Variants in HPCAL1 observed in about 807,000 individuals in gnomAD.
HPCAL1 encodes hippocalcin-like protein 1.
In HPCAL1, 8 loss-of-function variants were observed where a neutral mutation model predicts 17.1. The observed-to-expected ratio is 0.47, with a 90% CI of 0.27 to 0.84. The LOEUF (loss-of-function observed/expected upper bound fraction) is 0.84, where lower values mean the gene tolerates loss of function less well. HPCAL1 is among the 40% of genes least tolerant of loss of function. The pLI, the probability that HPCAL1 is intolerant of heterozygous loss-of-function variation, is 0.13. For missense variants in HPCAL1, 165 were observed against 271.1 expected (o/e 0.61, Z 2.75); for synonymous variants, 112 against 111.4 (o/e 1.01, Z -0.03).
At chr2:10,318,645 G>A (rs1416950321) in intron 1 of HPCAL1, among the ~76,000 whole-genome samples, 6 of 152,206 alleles carry the variant, frequency 3.9e-5, no homozygotes, top group Non-Finnish European at 8.8e-5. Flanking sequence ...AAAGGATGCT[G>A]TGATCTGAAT....
At chr2:10,306,461 T>C (rs1020699691) in intron 1 of HPCAL1, among the ~76,000 whole-genome samples, 7 of 152,196 alleles carry the variant, frequency 4.6e-5, no homozygotes, top group Non-Finnish European at 1.0e-4. Flanking sequence ...TATGTCCTCA[T>C]GTAAAGCTGC....
At chr2:10,410,165 T>C (rs369835859) in intron 2 of HPCAL1, among the ~76,000 whole-genome samples, 35 of 152,290 alleles carry the variant, frequency 2.3e-4, no homozygotes, top group African/African-American at 7.9e-4. Context: ...CAGAGTCTGG[T>C]TGGCCTGGCA....
chr2:10,427,043 C>T lies in HPCAL1; in HGVS notation c.*222C>T. The T allele has an allele frequency of 5.4e-6, 3 of 560,196 alleles. No individual in the cohort carries two copies. The highest frequency in any genetic ancestry group is 9.6e-6 in the Non-Finnish European group (3 of 310,926). The allele number at this position is 560,196 out of a possible 1,614,324, so 34.7% of individuals were successfully genotyped here. The stretch of plus-strand genomic sequence containing the variant: ...GCCCGGTCCCTTCCAGGGCAACTCC[C>T]AGGGATGTGGTGACATGCAGGGTTC... On this transcript the variant is annotated 3_prime_UTR_variant, in exon 5 of 5. Transcript: ENST00000307845.
chr2:10,334,509 T>A (rs2125428151), intron 1 of HPCAL1, among the ~76,000 whole-genome samples: 1 of 151,622 alleles, frequency 6.6e-6, no homozygotes, highest in Non-Finnish European at 1.5e-5. Context: ...TGAGACCTTG[T>A]CTTTAAAAAA....
intron 1 of HPCAL1, among the ~76,000 whole-genome samples, chr2:10,349,675 C>T (rs1665709789): frequency 8.5e-6 from 1 of 117,742 alleles, no homozygotes. Context: ...TGCACTCCAG[C>T]CTGGGTGACA....
chr2:10,388,496 C>T (rs1025159418), intron 1 of HPCAL1, among the ~76,000 whole-genome samples: 4 of 152,204 alleles, frequency 2.6e-5, no homozygotes, highest in African/African-American at 4.8e-5. Context: ...CATCGTGTTT[C>T]GAGGTGACCT....
intron 1 of HPCAL1, among the ~76,000 whole-genome samples, chr2:10,388,877 G>A (rs544402708): frequency 3.0e-4 from 46 of 152,274 alleles, no homozygotes; most frequent in Non-Finnish European, 5.6e-4. Context: ...CCCTCACTCC[G>A]AGTAGGATGT....
At chr2:10,355,285 A>T (rs1474709558) in intron 1 of HPCAL1, among the ~76,000 whole-genome samples, 1 of 151,288 alleles carries the variant, frequency 6.6e-6, no homozygotes, top group African/African-American at 2.4e-5. Flanking sequence ...CCCCGTCTCT[A>T]CTAAAAATAC....
chr2:10,313,093 G>A (rs1471585322), intron 1 of HPCAL1, among the ~76,000 whole-genome samples: 2 of 152,198 alleles, frequency 1.3e-5, no homozygotes, highest in African/African-American at 4.8e-5. Context: ...GAACCCAAGT[G>A]GATGATGGTG....
intron 1 of HPCAL1, among the ~76,000 whole-genome samples, chr2:10,340,992 T>C (rs1039827750): frequency 6.6e-6 from 1 of 152,212 alleles, no homozygotes; most frequent in Non-Finnish European, 1.5e-5. Context: ...AGATACTATA[T>C]TGGATATGTA....
chr2:10,338,141 A>G (rs1664830883), intron 1 of HPCAL1, among the ~76,000 whole-genome samples: 1 of 152,130 alleles, frequency 6.6e-6, no homozygotes, highest in Admixed American at 6.5e-5. Flanking sequence ...GCAATTCTAA[A>G]GAGACAGAAA....
intron 2 of HPCAL1, among the ~76,000 whole-genome samples, chr2:10,399,502 T>C (rs1285754558): frequency 1.3e-3 from 69 of 53,478 alleles, no homozygotes; most frequent in South Asian, 3.8e-3. Flanking sequence ...ACCATCACCA[T>C]CACCACCACC....
rs1046839120 is a variant in HPCAL1 at position 10,347,743 on chromosome 2, G to A, written c.-111+44566G>A. 3.3e-4 allele frequency among the ~76,000 whole-genome samples: 51 copies of A among 152,282 alleles called. 1 individual carries two copies. The highest frequency in any genetic ancestry group is 1.2e-3 in the African/African-American group (51 of 41,554). ...TTTCTGAGGCTTCCTGTGTTTCACGGGGATCCAGTATGAAGCCTGGCACGG... is the reference window on the plus strand; with the variant it reads ...TTTCTGAGGCTTCCTGTGTTTCACGAGGATCCAGTATGAAGCCTGGCACGG... On this transcript the variant is annotated intron_variant, in intron 1 of 4. Coordinates refer to ENST00000307845, the MANE Select transcript of HPCAL1 (RefSeq NM_002149.4).
intron 1 of HPCAL1, among the ~76,000 whole-genome samples, chr2:10,334,641 T>G (rs11681739): frequency 6.6e-6 from 1 of 152,216 alleles, no homozygotes; most frequent in Non-Finnish European, 1.5e-5. Flanking sequence ...ATAGATGTGG[T>G]TCATGGTCTT....
chr2:10,317,327 C>T (rs749986769), intron 1 of HPCAL1, among the ~76,000 whole-genome samples: 3 of 152,144 alleles, frequency 2.0e-5, no homozygotes, highest in Non-Finnish European at 2.9e-5. Flanking sequence ...CTATCCAAAA[C>T]AGCCACAACA....
At chr2:10,424,662 G>C in intron 4 of HPCAL1, 3 of 469,824 alleles carry the variant, frequency 6.4e-6, no homozygotes, top group Non-Finnish European at 1.3e-5. Flanking sequence ...TGCCTGCTGG[G>C]ATGGAGCACT....
chr2:10,311,621 G>T (rs759595435), intron 1 of HPCAL1, among the ~76,000 whole-genome samples: 1 of 152,128 alleles, frequency 6.6e-6, no homozygotes. Context: ...GGAGTGGGGG[G>T]AGAAGATGTA....
At chr2:10,422,830 G>A (rs1005230001) in intron 3 of HPCAL1, among the ~76,000 whole-genome samples, 153 bp from the exon 4 acceptor site, 3 of 152,230 alleles carry the variant, frequency 2.0e-5, no homozygotes, top group Non-Finnish European at 1.5e-5. Flanking sequence ...AGGTTCACTA[G>A]GGAACATTCT....
In HPCAL1 at chr2:10,323,791, G is replaced by A. The variant is rs1259415223; in HGVS notation, c.-111+20614G>A. On this transcript the variant is annotated intron_variant, in intron 1 of 4. Transcript: ENST00000307845. This position sits in a 1 kb window ranked among gnomAD's most constrained non-coding sequence, Gnocchi z 4.6. ...CAGGGATTCTTCCAGGCACTGGGGA[G>A]ACATTTAAAAAACAATAACAACAAC... is the stretch of plus-strand genomic sequence containing the variant. Among the ~76,000 whole-genome samples the A allele has an allele frequency of 6.6e-6, 1 of 152,210 alleles. No individual in the cohort carries two copies. The highest frequency in any genetic ancestry group is 1.5e-5 in the Non-Finnish European group (1 of 68,040).
Sources: allele counts gnomAD v4.1 joint callset (sites outside exome capture counted in the v4.1 genomes callset), GRCh38; gene constraint gnomAD v4.1.1; non-coding constraint Gnocchi (gnomAD v3.1); transcripts MANE v1.5; gene names NCBI Gene and HGNC (gene_info 2026-07-23, HGNC 2026-07-21).